The following CHRM3 variants were observed in gnomAD, a reference collection of about 807,000 sequenced individuals.
The protein encoded by CHRM3 is cholinergic receptor muscarinic 3, also known as muscarinic acetylcholine receptor M3.
CHRM3 carries 11 observed loss-of-function variants against 41.8 expected under a neutral mutation model. The observed-to-expected ratio is 0.26, with a 90% CI of 0.17 to 0.44. CHRM3 has a LOEUF of 0.44. Ranked by LOEUF, CHRM3 falls within the 20% of genes least tolerant of loss-of-function variation. CHRM3 has a pLI of 1.00. For missense variants in CHRM3, 571 were observed against 745.4 expected, an observed-to-expected ratio of 0.77 and a Z score of 2.72; for synonymous variants, 297 against 301.4, an observed-to-expected ratio of 0.99 and a Z score of 0.15.
intron 3 of CHRM3, among the ~76,000 whole-genome samples, chr1:239,582,010 T>A (rs1192731390): frequency 1.3e-5 from 2 of 152,236 alleles, no homozygotes; most frequent in Non-Finnish European, 2.9e-5. Flanking sequence ...ATCCAACATT[T>A]GCAGGATTTT....
chr1:239,881,309 A>G (rs1677612293), intron 6 of CHRM3, among the ~76,000 whole-genome samples: 1 of 146,968 alleles, frequency 6.8e-6, no homozygotes, highest in Non-Finnish European at 1.5e-5. Flanking sequence ...AAAAAAAAGA[A>G]TACAATCCCT....
At chr1:239,607,670 C>G (rs1053478531) in intron 3 of CHRM3, among the ~76,000 whole-genome samples, 2 of 151,978 alleles carry the variant, frequency 1.3e-5, no homozygotes, top group Non-Finnish European at 2.9e-5. Context: ...AAAAAAAAGG[C>G]TTAGTAAAAT....
intron 6 of CHRM3, among the ~76,000 whole-genome samples, chr1:239,844,290 T>C (rs1674083490): frequency 6.6e-6 from 1 of 152,176 alleles, no homozygotes; most frequent in African/African-American, 2.4e-5. Context: ...GGAGGTTCTA[T>C]ATGTGAATGT....
At chr1:239,846,904 C>A (rs1460983867) in intron 6 of CHRM3, among the ~76,000 whole-genome samples, 2 of 152,062 alleles carry the variant, frequency 1.3e-5, no homozygotes, top group African/African-American at 2.4e-5. Flanking sequence ...TATAAATGAT[C>A]TTATTTATTG....
At chr1:239,639,337 C>A (rs1670837783) in intron 4 of CHRM3, among the ~76,000 whole-genome samples, 1 of 152,192 alleles carries the variant, frequency 6.6e-6, no homozygotes, top group Non-Finnish European at 1.5e-5. Context: ...GGCATTGAAT[C>A]TATAAATTAC....
At chr1:239,434,986 C>T (rs566534715) in intron 1 of CHRM3, among the ~76,000 whole-genome samples, 3 of 152,274 alleles carry the variant, frequency 2.0e-5, no homozygotes, top group Admixed American at 6.5e-5. Flanking sequence ...TTGCTTCATG[C>T]CTTCATTATA....
intron 1 of CHRM3, among the ~76,000 whole-genome samples, chr1:239,419,789 A>C (rs1022549820): frequency 5.9e-5 from 9 of 152,174 alleles, no homozygotes; most frequent in African/African-American, 2.2e-4. Context: ...TTCCCTGTAC[A>C]TTTCACCATT....
chr1:239,436,966 G>A (rs747181258), intron 1 of CHRM3, among the ~76,000 whole-genome samples: 1 of 151,820 alleles, frequency 6.6e-6, no homozygotes, highest in Non-Finnish European at 1.5e-5. Flanking sequence ...CTAACTCCAG[G>A]CCAACACATG....
At chr1:239,756,729 A>G (rs895341200) in intron 5 of CHRM3, among the ~76,000 whole-genome samples, 1 of 152,214 alleles carries the variant, frequency 6.6e-6, no homozygotes, top group Admixed American at 6.5e-5. Context: ...ATCGAGTTCT[A>G]TAACTAAATT....
intron 6 of CHRM3, among the ~76,000 whole-genome samples, chr1:239,897,823 G>C (rs1364144930): frequency 6.6e-6 from 1 of 152,258 alleles, no homozygotes; most frequent in Admixed American, 6.5e-5. Flanking sequence ...GTCGAATCTA[G>C]GTTTTTGTTT....
intron 5 of CHRM3, among the ~76,000 whole-genome samples, chr1:239,742,366 G>T (rs115937782): frequency 0.018 from 2,719 of 152,194 alleles, 76 homozygotes; most frequent in African/African-American, 0.063. Context: ...ACTCCTATGA[G>T]CACAGTCACT....
chr1:239,539,907 G>T (rs1314063670), intron 2 of CHRM3, among the ~76,000 whole-genome samples: 1 of 152,172 alleles, frequency 6.6e-6, no homozygotes, highest in African/African-American at 2.4e-5. Context: ...ATGAGCCACT[G>T]CGCTGGCCAA....
At chr1:239,489,861 A>G (rs993825593) in intron 1 of CHRM3, among the ~76,000 whole-genome samples, 3 of 152,168 alleles carry the variant, frequency 2.0e-5, no homozygotes, top group Admixed American at 2.0e-4. Flanking sequence ...GTTTCTGGAT[A>G]GGCATATGGA....
chr1:239,416,985 G>A (rs1346606091), intron 1 of CHRM3, among the ~76,000 whole-genome samples: 1 of 152,162 alleles, frequency 6.6e-6, no homozygotes, highest in Non-Finnish European at 1.5e-5. Context: ...ATAATGTCTT[G>A]AGAGTTTTGG....
chr1:239,516,170 GATTTGAAAGAAT>G (rs1363518120), intron 2 of CHRM3, among the ~76,000 whole-genome samples: 1 of 152,000 alleles, frequency 6.6e-6, no homozygotes, highest in Non-Finnish European at 1.5e-5. Context: ...CATTAGCTAA[GATTTGAAAGAAT>G]TTATAGTATG....
At chr1:239,398,827 T>A (rs974105171) in intron 1 of CHRM3, among the ~76,000 whole-genome samples, 15 of 152,148 alleles carry the variant, frequency 9.9e-5, no homozygotes, top group Non-Finnish European at 1.9e-4. Flanking sequence ...TGTTTTAGGA[T>A]TTTTCTTAAC....
intron 1 of CHRM3, among the ~76,000 whole-genome samples, chr1:239,459,407 C>G (rs1293443814): frequency 2.0e-5 from 3 of 151,894 alleles, no homozygotes; most frequent in South Asian, 2.1e-4. Flanking sequence ...TTCCTTCTAC[C>G]CTGTCTAAAG....
intron 1 of CHRM3, among the ~76,000 whole-genome samples, chr1:239,450,215 T>C (rs185483521): frequency 6.6e-6 from 1 of 152,306 alleles, no homozygotes; most frequent in East Asian, 1.9e-4. Flanking sequence ...TGATTGTAAA[T>C]GAAACTTAAG....
intron 5 of CHRM3, among the ~76,000 whole-genome samples, chr1:239,824,809 C>T (rs546107906): frequency 2.0e-5 from 3 of 152,192 alleles, no homozygotes; most frequent in Non-Finnish European, 4.4e-5. Flanking sequence ...AAAATCCTAA[C>T]CAAGGAGATC....
Sources: allele counts gnomAD v4.1 joint callset (sites outside exome capture counted in the v4.1 genomes callset), GRCh38; gene constraint gnomAD v4.1.1; transcripts MANE v1.5; gene names NCBI Gene and HGNC (gene_info 2026-07-23, HGNC 2026-07-21).